Variants in ZNF12 observed in about 807,000 individuals in gnomAD.
ZNF12 encodes gonadotropin inducible transcription repressor 3.
In ZNF12, 34 loss-of-function variants were observed where a neutral mutation model predicts 66.6. The observed-to-expected ratio is 0.51, with a 90% CI of 0.39 to 0.68. The LOEUF is 0.68. Among genes scored for constraint, ZNF12 ranks in the 30% least tolerant of loss-of-function variants. The probability of loss-of-function intolerance (pLI) is 0.00; values close to 1 mark genes in which losing one functional copy is unlikely to be tolerated. For synonymous variants in ZNF12, 320 were observed against 278.9 expected, an observed-to-expected ratio of 1.15 and a Z score of -1.47; for missense variants, 697 against 826.9, an observed-to-expected ratio of 0.84 and a Z score of 1.93.
At position 6,694,081 on chromosome 7, in the gene ZNF12, C is replaced by T. The variant is rs186045349; in HGVS notation, c.239-1378G>A. Among the ~76,000 whole-genome samples, 843 of 151,898 alleles carry T rather than the reference C, an allele frequency of 5.5e-3. 9 individuals carry two copies. Among genetic ancestry groups the T allele is most frequent in the African/African-American group, 0.019 (784 of 41,436 alleles). ...ACTTGGAAGGCTGAGGCAGGAGAATCGCTTGAACCCGGGAGGTGGAGGTTG... is the reference window on the plus strand; with the variant it reads ...ACTTGGAAGGCTGAGGCAGGAGAATTGCTTGAACCCGGGAGGTGGAGGTTG... On this transcript the variant is annotated intron_variant, in intron 4 of 4. Transcript: ENST00000405858.
At position 6,705,151 on chromosome 7, in the gene ZNF12, ACACT is replaced by A; in HGVS notation, c.15+4_15+7del. 1.2e-6 allele frequency: 2 copies of A among 1,613,598 alleles called. No individual in the cohort carries two copies. The highest frequency in any genetic ancestry group is 1.3e-5 in the African/African-American group (1 of 75,060). Reference sequence around the variant, plus strand: ...GTAGAGAATAAATACATGAACAGAAACACTCACCAGGGATTTATTCATTTTCTGC... The same window carrying A: ...GTAGAGAATAAATACATGAACAGAAACACCAGGGATTTATTCATTTTCTGC... On this transcript the variant is annotated splice_donor_5th_base_variant and intron_variant, in intron 2 of 4. Coordinates refer to ENST00000405858, the MANE Select transcript of ZNF12 (RefSeq NM_016265.4). The surrounding 1 kb of genome is among the most constrained non-coding windows in gnomAD (Gnocchi z 4.0).
At position 6,692,535 on chromosome 7, in the gene ZNF12, T is replaced by G; in HGVS notation, c.407A>C (p.Lys136Thr). ...TTCACATGAGTCACAGAGGCTATTT[T>G]TATAGGCTATTTTTCTTGAAGGAAC... Reference protein sequence around the residue: ...NPVPSRKIAYKNSLCDSCEKC... With the variant: ...NPVPSRKIAYTNSLCDSCEKC... Residue 136 changes from lysine (K) to threonine (T), a missense_variant, in exon 5 of 5, where the codon AAA (lysine) becomes ACA (threonine). By Grantham distance (78) the Lys-to-Thr change is moderately conservative (BLOSUM62 -1). Around this residue, in one of 3 missense-constraint regions of ZNF12, gnomAD observed 241 missense variants for 224.0 expected, o/e 1.08. Transcript: ENST00000405858. The surrounding 1 kb of genome is among the most constrained non-coding windows in gnomAD (Gnocchi z 5.1). The G allele has an allele frequency of 1.2e-6, 2 of 1,613,838 alleles. No homozygotes were observed. The highest frequency in any genetic ancestry group is 2.2e-5 in the East Asian group (1 of 44,852).
chr7:6,695,099 T>G (rs1441825534), intron 4 of ZNF12, among the ~76,000 whole-genome samples: 2 of 152,182 alleles, frequency 1.3e-5, no homozygotes, highest in African/African-American at 4.8e-5. Flanking sequence ...AATTGTTTAG[T>G]AGAGACAGAG....
rs557538708 is a variant in ZNF12 at position 6,694,312 on chromosome 7, C to T, written c.239-1609G>A. On this transcript the variant is annotated intron_variant, in intron 4 of 4. Transcript: ENST00000405858. ...TTGCTATCATGCACATTAAGTGAAA[C>T]GATATCAACCGTAACCCCTATAACC... 1.3e-4 allele frequency among the ~76,000 whole-genome samples: 20 copies of T among 152,198 alleles called. No individual in the cohort carries two copies. In the South Asian group the frequency reaches 3.5e-3, roughly 27 times the overall value.
intron 4 of ZNF12, among the ~76,000 whole-genome samples, chr7:6,694,658 G>A (rs931878948): frequency 6.6e-6 from 1 of 151,974 alleles, no homozygotes; most frequent in Non-Finnish European, 1.5e-5. Flanking sequence ...CCTGATCAAT[G>A]CCCAGCACAT....
Position 6,697,351 on chromosome 7 carries a change from G to C in ZNF12, c.226C>G (p.Gln76Glu). Residue 76 changes from glutamine to glutamate, a missense_variant, in exon 4 of 5, where the codon CAG becomes GAG. Gln to Glu is a conservative substitution (Grantham distance 29). Transcript: ENST00000405858. The surrounding 1 kb of genome is among the most constrained non-coding windows in gnomAD (Gnocchi z 6.1). ...PWIVEGEFLL[Q>E]SYPDEVWQTD... ...TCCACTAACACACCTGGATAGCTCT[G>C]AAGTAGGAATTCTCCTTCTACTATC... is the stretch of plus-strand genomic sequence containing the variant. The C allele has an allele frequency of 3.1e-6, 5 of 1,608,896 alleles. No homozygotes were observed. The highest frequency in any genetic ancestry group is 4.2e-6 in the Non-Finnish European group (5 of 1,177,560).
Position 6,690,719 on chromosome 7 carries a change from G to A in ZNF12, c.*129C>T, listed in dbSNP as rs1583461956. The A allele has an allele frequency of 3.2e-6, 3 of 933,308 alleles. No individual in the cohort carries two copies. The East Asian group carries it at 7.9e-5, about 25-fold the overall frequency. The allele number at this position is 933,308 out of a possible 1,614,324, so 57.8% of individuals were successfully genotyped here. A position where few individuals can be genotyped will look rare whatever the true frequency, so the allele number is the denominator to read the frequency against. On this transcript the variant is annotated 3_prime_UTR_variant, in exon 5 of 5. Coordinates refer to ENST00000405858, the MANE Select transcript of ZNF12 (RefSeq NM_016265.4). ...CATTCTGTGAGTCTTCAGATTATGA[G>A]TCCAACACACAAGGGGATGTCCACA... is the stretch of plus-strand genomic sequence containing the variant.
At position 6,692,376 on chromosome 7, in the gene ZNF12, G is replaced by A. The variant is rs1463745451; in HGVS notation, c.566C>T (p.Ala189Val). The A allele has an allele frequency of 1.2e-6, 2 of 1,611,710 alleles. No individual in the cohort carries two copies. The highest frequency in any genetic ancestry group is 1.7e-6 in the Non-Finnish European group (2 of 1,178,814). Residue 189 changes from alanine to valine, a missense_variant, in exon 5 of 5, where the codon GCT becomes GTT. Around this residue, in one of 3 missense-constraint regions of ZNF12, gnomAD observed 241 missense variants for 224.0 expected, o/e 1.08. Coordinates refer to ENST00000405858, the MANE Select transcript of ZNF12 (RefSeq NM_016265.4). This position sits in a 1 kb window ranked among gnomAD's most constrained non-coding sequence, Gnocchi z 5.1. ...KLEKTHPGDQ[A>V]YEFNQNGEPY... is the part of the protein sequence containing the mutation. ...TTCCCCATTTTGATTAAATTCATAA[G>A]CTTGATCTCCTGGATGAGTTTTCTC...
chr7:6,701,305 T>G (rs1780239651), intron 2 of ZNF12, among the ~76,000 whole-genome samples: 1 of 151,906 alleles, frequency 6.6e-6, no homozygotes, highest in Non-Finnish European at 1.5e-5. Flanking sequence ...TAAAATCATA[T>G]CCCAAACCCC....
chr7:6,702,290 C>T (rs1337930221), intron 2 of ZNF12, among the ~76,000 whole-genome samples: 3 of 138,062 alleles, frequency 2.2e-5, no homozygotes, highest in African/African-American at 9.3e-5. Context: ...AGATTCGTCT[C>T]CCAAACTCCA....
rs1203355151 is a variant in ZNF12, at chr7:6,692,956, C to A, written c.239-253G>T. On this transcript the variant is annotated intron_variant, in intron 4 of 4. Coordinates refer to ENST00000405858, the MANE Select transcript of ZNF12 (RefSeq NM_016265.4). This position sits in a 1 kb window ranked among gnomAD's most constrained non-coding sequence, Gnocchi z 5.1. ...GGAAGTAAACTGACAAAAACACATG[C>A]ACTTTTGATCTACTTTATATTTTGT... Among the ~76,000 whole-genome samples the A allele has an allele frequency of 2.0e-5, 3 of 152,124 alleles. No homozygotes were observed. Among genetic ancestry groups the A allele is most frequent in the African/African-American group, 7.2e-5 (3 of 41,404 alleles).
At position 6,691,777 on chromosome 7, in the gene ZNF12, T is replaced by C. The variant is rs1395151254; in HGVS notation, c.1165A>G (p.Thr389Ala). ...TTAAGTGCTGACTTCTGCGAGAAGG[T>C]TTTCCCACAGTCATGACAAACATAA... The part of the protein sequence containing the change: ...RPYVCHDCGK[T>A]FSQKSALNDH... Residue 389 changes from threonine to alanine, a missense_variant, in exon 5 of 5, where the codon ACC (threonine) becomes GCC (alanine). This residue lies in a region of ZNF12 where 401 missense variants were observed against 519.0 expected (regional missense o/e 0.77). Coordinates refer to ENST00000405858, the MANE Select transcript of ZNF12 (RefSeq NM_016265.4). 1.2e-6 allele frequency: 2 copies of C among 1,613,756 alleles called. No homozygotes were observed. Among genetic ancestry groups the C allele is most frequent in the Non-Finnish European group, 1.7e-6 (2 of 1,179,854 alleles).
Position 6,692,527 on chromosome 7 carries a change from G to A in ZNF12, c.415C>T (p.Leu139Phe), listed in dbSNP as rs1780089194. The A allele has an allele frequency of 6.2e-7, 1 of 1,613,556 alleles. No homozygotes were observed. Among genetic ancestry groups the A allele is most frequent in the Non-Finnish European group, 8.5e-7 (1 of 1,179,808 alleles). Residue 139 changes from leucine (L) to phenylalanine (F), a missense_variant, in exon 5 of 5, where the codon CTC becomes TTC. Transcript: ENST00000405858. The surrounding 1 kb of genome is among the most constrained non-coding windows in gnomAD (Gnocchi z 5.1). Reference sequence around the variant, plus strand: ...AAACACTTTTCACATGAGTCACAGAGGCTATTTTTATAGGCTATTTTTCTT... The same window carrying A: ...AAACACTTTTCACATGAGTCACAGAAGCTATTTTTATAGGCTATTTTTCTT... ...PSRKIAYKNSLCDSCEKCLTS... is the reference protein window; with the variant it reads ...PSRKIAYKNSFCDSCEKCLTS...
chr7:6,699,550 C>G (rs576236091), intron 2 of ZNF12, among the ~76,000 whole-genome samples: 1 of 152,254 alleles, frequency 6.6e-6, no homozygotes, highest in Non-Finnish European at 1.5e-5. Context: ...GGAGCAATAG[C>G]TGAGCTTCCA....
intron 2 of ZNF12, among the ~76,000 whole-genome samples, chr7:6,700,223 T>C (rs1238638718): frequency 2.0e-5 from 3 of 150,178 alleles, no homozygotes; most frequent in Admixed American, 2.0e-4. Flanking sequence ...AGGTGGAGCT[T>C]GCAGTGAGCC....
At chr7:6,706,329 G>A (rs1562603983) in intron 1 of ZNF12, 103 bp downstream of exon 1, 1 of 447,864 alleles carries the variant, frequency 2.2e-6, no homozygotes, top group Non-Finnish European at 4.5e-6. Flanking sequence ...CGTCACTCCT[G>A]CAAGCGATCG....
Position 6,706,542 on chromosome 7 carries a change from G to A in ZNF12, c.-161C>T, listed in dbSNP as rs1341312998. The A allele has an allele frequency of 2.1e-6, 1 of 471,244 alleles. No individual in the cohort carries two copies. The highest frequency in any genetic ancestry group is 4.2e-6 in the Non-Finnish European group (1 of 236,910). 29.2% of individuals were successfully genotyped at this position (471,244 alleles called of 1,614,324 possible). ...GTCCCTTCCTGTCCACCTCACCAAGGCCGTTCTGCTCCAGAGGGGCCCGGG... is the reference window on the plus strand; with the variant it reads ...GTCCCTTCCTGTCCACCTCACCAAGACCGTTCTGCTCCAGAGGGGCCCGGG... On this transcript the variant is annotated 5_prime_UTR_variant, in exon 1 of 5. Transcript: ENST00000405858.
At chr7:6,693,591 C>T (rs1780108858) in intron 4 of ZNF12, among the ~76,000 whole-genome samples, 1 of 152,200 alleles carries the variant, frequency 6.6e-6, no homozygotes, top group African/African-American at 2.4e-5. Context: ...TGACCTAGGG[C>T]AAGCTACTTA....
chr7:6,690,838 A>T lies in ZNF12; in HGVS notation c.*10T>A. On this transcript the variant is annotated 3_prime_UTR_variant, in exon 5 of 5. Coordinates refer to ENST00000405858, the MANE Select transcript of ZNF12 (RefSeq NM_016265.4). The stretch of plus-strand genomic sequence containing the variant: ...TGAAAGGGTTCTCTGATATAAAATG[A>T]GGTCTGACTTCAGAGAAGCCTTCCC... The T allele has an allele frequency of 6.3e-7, 1 of 1,591,664 alleles. No homozygotes were observed. Among genetic ancestry groups the T allele is most frequent in the Non-Finnish European group, 8.6e-7 (1 of 1,169,430 alleles).
Sources: allele counts gnomAD v4.1 joint callset (sites outside exome capture counted in the v4.1 genomes callset), GRCh38; gene constraint gnomAD v4.1.1; regional missense constraint gnomAD v4.1.1; non-coding constraint Gnocchi (gnomAD v3.1); transcripts MANE v1.5; gene names NCBI Gene and HGNC (gene_info 2026-07-23, HGNC 2026-07-21).